GALNT3: variants seen among roughly 807,000 people sequenced by gnomAD.
GALNT3 encodes the protein polypeptide N-acetylgalactosaminyltransferase 3.
Under a neutral mutation model 69.8 loss-of-function variants are expected in GALNT3, and 51 were observed. The ratio of observed to expected loss-of-function variants is 0.73; its 90% confidence interval spans 0.58 to 0.92. The LOEUF is 0.92. GALNT3 is among the 40% of genes least tolerant of loss of function. The pLI is 0.00. For synonymous variants in GALNT3, 265 were observed against 248.5 expected (o/e 1.07, Z -0.63); for missense variants, 711 against 760.0 (o/e 0.94, Z 0.76).
Position 165,747,727 on chromosome 2 carries a change from A to G in GALNT3, c.*1054T>C, listed in dbSNP as rs529333562. 6.4e-6 allele frequency: 1 copy of G among 156,834 alleles called. No individual in the cohort carries two copies. The highest frequency in any genetic ancestry group is 2.1e-4 in the South Asian group (1 of 4,864). 9.7% of individuals were successfully genotyped at this position (156,834 alleles called of 1,614,324 possible). ...AACAATAGGCGCTTAGAAATTCAGCATACAAAATTCATTTTCCCCCACCTA... is the reference window on the plus strand; with the variant it reads ...AACAATAGGCGCTTAGAAATTCAGCGTACAAAATTCATTTTCCCCCACCTA... On this transcript the variant is annotated 3_prime_UTR_variant, in exon 11 of 11. Coordinates refer to ENST00000392701, the MANE Select transcript of GALNT3 (RefSeq NM_004482.4).
At position 165,749,809 on chromosome 2, in the gene GALNT3, A is replaced by G. The variant is rs750333904; in HGVS notation, c.1712T>C (p.Leu571Pro). ...CLHAAQGLVQ[L>P]KACTYKGHKT... is the part of the protein sequence containing the mutation. ...GTGACCTTTGTAGGTACATGCCTTC[A>G]GCTGAACGAGACCTTGAGCAGCATG... The change falls in exon 10 of 11, where the codon CTG becomes CCG. Residue 571 changes from leucine to proline, a missense_variant. Coordinates refer to ENST00000392701, the MANE Select transcript of GALNT3 (RefSeq NM_004482.4). 1.2e-6 allele frequency: 2 copies of G among 1,613,720 alleles called. No homozygotes were observed. Among genetic ancestry groups the G allele is most frequent in the Non-Finnish European group, 1.7e-6 (2 of 1,179,682 alleles).
intron 2 of GALNT3, among the ~76,000 whole-genome samples, chr2:165,766,146 T>C (rs924984299): frequency 6.6e-6 from 1 of 152,152 alleles, no homozygotes; most frequent in African/African-American, 2.4e-5. Flanking sequence ...TTGCCATGTG[T>C]TAAAGATTTT....
Position 165,770,708 on chromosome 2 carries a change from T to A in GALNT3, c.-8A>T, listed in dbSNP as rs751148184. ...TCGCTTTAGGTGAGCCATTCTGACA[T>A]TAAAAGCTTGTCACTTGACAAATAA... On this transcript the variant is annotated 5_prime_UTR_variant, in exon 2 of 11. The change abolishes an upstream ATG in the 5' untranslated region. Transcript: ENST00000392701. The A allele has an allele frequency of 5.6e-6, 9 of 1,601,308 alleles. No individual in the cohort carries two copies. Among genetic ancestry groups the A allele is most frequent in the Non-Finnish European group, 7.6e-6 (9 of 1,179,500 alleles).
chr2:165,753,686 T>TA (rs1189646357), intron 9 of GALNT3, among the ~76,000 whole-genome samples: 5 of 152,070 alleles, frequency 3.3e-5, no homozygotes, highest in Non-Finnish European at 7.4e-5. Context: ...AAAGGAAGCT[T>TA]AAAAAAACAG....
In GALNT3 at chr2:165,764,991, T is replaced by C. The variant is rs754960200; in HGVS notation, c.581A>G (p.His194Arg). ...LPTTSVIIVF[H>R]NEAWSTLLRT... ...AAGCAACGTGGACCACGCTTCATTA[T>C]GAAAAACTATTATGACACTGGTGGT... The change falls in exon 3 of 11, where the codon CAT becomes CGT. Residue 194 changes from histidine (H) to arginine (R), a missense_variant. Transcript: ENST00000392701. The C allele has an allele frequency of 5.0e-6, 8 of 1,614,198 alleles. No homozygotes were observed. The highest frequency in any genetic ancestry group is 1.6e-4 in the Middle Eastern group (1 of 6,062).
chr2:165,759,197 C>T, intron 5 of GALNT3, 139 bp downstream of exon 5: 3 of 754,152 alleles, frequency 4.0e-6, no homozygotes, highest in Non-Finnish European at 6.7e-6. Context: ...AAATGAATGA[C>T]TTTTAGATTC....
At chr2:165,777,787 C>T (rs1386308094) in intron 1 of GALNT3, among the ~76,000 whole-genome samples, 1 of 152,176 alleles carries the variant, frequency 6.6e-6, no homozygotes, top group Non-Finnish European at 1.5e-5. Flanking sequence ...AAGATCTCAG[C>T]TAAAGGCAAA....
intron 1 of GALNT3, among the ~76,000 whole-genome samples, chr2:165,792,095 C>A (rs1003527231): frequency 6.6e-6 from 1 of 152,192 alleles, no homozygotes; most frequent in Non-Finnish European, 1.5e-5. Context: ...GAATACCTCT[C>A]TTGGCTTCAA....
chr2:165,782,116 A>G (rs905110712), intron 1 of GALNT3, among the ~76,000 whole-genome samples: 3 of 152,196 alleles, frequency 2.0e-5, no homozygotes, highest in Admixed American at 6.5e-5. Flanking sequence ...TGTGATAGAT[A>G]TCACAAGTCT....
chr2:165,773,271 C>T (rs769032605), intron 1 of GALNT3, among the ~76,000 whole-genome samples: 27 of 152,142 alleles, frequency 1.8e-4, no homozygotes, highest in Non-Finnish European at 3.7e-4. Context: ...CTCACGAGAC[C>T]TGATGGTTTT....
At chr2:165,753,712 C>T (rs1688393271) in intron 9 of GALNT3, among the ~76,000 whole-genome samples, 1 of 152,104 alleles carries the variant, frequency 6.6e-6, no homozygotes, top group Non-Finnish European at 1.5e-5. Flanking sequence ...TTGTATATAA[C>T]ATGTTCTCTA....
chr2:165,748,839 A>G lies in GALNT3; in HGVS notation c.1844T>C (p.Leu615Ser). 1.2e-6 allele frequency: 2 copies of G among 1,611,680 alleles called. No individual in the cohort carries two copies. The highest frequency in any genetic ancestry group is 1.7e-6 in the Non-Finnish European group (2 of 1,178,360). Residue 615 changes from leucine to serine, a missense_variant, in exon 11 of 11, where the codon TTA (leucine) becomes TCA (serine). Leu to Ser is a moderately radical substitution (Grantham distance 145, BLOSUM62 -2). Coordinates refer to ENST00000392701, the MANE Select transcript of GALNT3 (RefSeq NM_004482.4). ...TGGATCTGATGGGTTGCATGACACT[A>G]AACTTGGATGCTCTCCATTTGCTGA... Reference protein sequence around the residue: ...CLSANGEHPSLVSCNPSDPLQ... With the variant: ...CLSANGEHPSSVSCNPSDPLQ...
rs377057164 is a variant in GALNT3, at chr2:165,761,861, A to T, written c.838+44T>A. On this transcript the variant is annotated intron_variant, in intron 4 of 10. Coordinates refer to ENST00000392701, the MANE Select transcript of GALNT3 (RefSeq NM_004482.4). ...TCCTTACCTTTTAAATTAGAGGGAG[A>T]GGGAGGGAAAATGTTACAACCATAT... The T allele has an allele frequency of 5.5e-5, 88 of 1,595,506 alleles. 1 individual carries two copies. Among genetic ancestry groups the T allele is most frequent in the Non-Finnish European group, 7.1e-5 (83 of 1,163,174 alleles).
intron 8 of GALNT3, 80 bp downstream of exon 8, chr2:165,754,852 T>G (rs996307116): frequency 1.1e-4 from 159 of 1,494,200 alleles, no homozygotes; most frequent in Non-Finnish European, 1.5e-4. Flanking sequence ...AAAGAAAGTA[T>G]TTCAGCAATT....
At chr2:165,794,657 T>G (rs1196718255), upstream of GALNT3, 1 of 152,248 alleles carries the variant, frequency 6.6e-6, no homozygotes, top group Non-Finnish European at 1.5e-5. Flanking sequence ...TGCTGGCTCA[T>G]GTGGTTTCTT....
intron 2 of GALNT3, 49 bp from the exon 3 acceptor site, chr2:165,765,105 T>A: frequency 1.4e-6 from 2 of 1,461,650 alleles, no homozygotes; most frequent in Non-Finnish European, 1.9e-6. Context: ...TTTATTATTT[T>A]ATTTCACAGC....
chr2:165,759,479 A>G lies in GALNT3; in HGVS notation c.930T>C (p.Asp310=), dbSNP rs1400594902. ...AVVSPDIASI[D]LNTFEFNKPS... The stretch of plus-strand genomic sequence containing the variant: ...GTTTGTTGAATTCAAACGTGTTCAG[A>G]TCTATGGATGCAATATCTGGACTTA... The change falls in exon 5 of 11, where the codon GAT becomes GAC. Residue 310 remains aspartate (D), a synonymous_variant. Transcript: ENST00000392701. The G allele has an allele frequency of 6.2e-7, 1 of 1,614,078 alleles. No homozygotes were observed. The highest frequency in any genetic ancestry group is 1.1e-5 in the South Asian group (1 of 91,088).
In GALNT3 at chr2:165,764,897, A is replaced by G. The variant is rs367815601; in HGVS notation, c.675T>C (p.Asp225=). The part of the protein sequence containing the change: ...ILLKEIILVD[D]ASVDEYLHDK... ...GTGCTTTCTTACCATCTACACTAGC[A>G]TCATCCACCAAAATGATTTCCTTCA... Residue 225 remains aspartate (D), a synonymous_variant, in exon 3 of 11, where the codon GAT becomes GAC. Transcript: ENST00000392701. The G allele has an allele frequency of 5.0e-6, 8 of 1,614,126 alleles. No homozygotes were observed. The highest frequency in any genetic ancestry group is 1.7e-5 in the Admixed American group (1 of 60,006).
intron 4 of GALNT3, among the ~76,000 whole-genome samples, chr2:165,760,008 A>G (rs1185044743): frequency 2.0e-5 from 3 of 152,164 alleles, no homozygotes; most frequent in African/African-American, 4.8e-5. Context: ...GAAAAAGGTG[A>G]AAAAAGATTC....
Sources: gnomAD v4.1 joint callset for allele counts (sites outside exome capture counted in the v4.1 genomes callset) on GRCh38, gnomAD v4.1.1 for gene constraint, MANE v1.5 for transcripts, NCBI Gene and HGNC (gene_info 2026-07-23, HGNC 2026-07-21) for gene names.